MROH2A: variants seen among roughly 807,000 people sequenced by gnomAD.
The protein encoded by MROH2A is maestro heat like repeat family member 2A, also known as maestro heat-like repeat-containing protein family member 2A.
A neutral mutation model predicts 200.4 loss-of-function variants in MROH2A; 174 were observed. That is an observed-to-expected ratio of 0.87 (90% CI 0.77 to 0.98). The LOEUF (loss-of-function observed/expected upper bound fraction) is 0.98. MROH2A is among the 50% of genes least tolerant of loss of function. MROH2A has a pLI of 0.00. For synonymous variants in MROH2A, 829 were observed against 840.4 expected (o/e 0.99, Z 0.23); for missense variants, 2,045 against 2,139.6 (o/e 0.96, Z 0.87).
chr2:233,819,764 C>A, intron 30 of MROH2A, 138 bp from the exon 31 acceptor site: 1 of 968,054 alleles, frequency 1.0e-6, no homozygotes, highest in Non-Finnish European at 1.5e-6. Flanking sequence ...AGAGGATGCA[C>A]TAGAGAGGGT....
At chr2:233,809,388 C>CAGGTAAGATGCCTGGA in intron 22 of MROH2A, 110 bp downstream of exon 22, 1 of 1,222,888 alleles carries the variant, frequency 8.2e-7, no homozygotes, top group African/African-American at 1.5e-5. Context: ...ATCCAGGCAT[C>CAGGTAAGATGCCTGGA]TTACCTGATG....
chr2:233,817,605 A>T (rs1246347121), intron 27 of MROH2A, among the ~76,000 whole-genome samples: 1 of 152,258 alleles, frequency 6.6e-6, no homozygotes, highest in Admixed American at 6.5e-5. Flanking sequence ...AGGTGCCATC[A>T]TCATCTCCAC....
intron 3 of MROH2A, among the ~76,000 whole-genome samples, chr2:233,780,637 A>G (rs909162702): frequency 6.6e-6 from 1 of 152,254 alleles, no homozygotes; most frequent in African/African-American, 2.4e-5. Context: ...TATAGAATAC[A>G]AAGTGATATT....
intron 21 of MROH2A, among the ~76,000 whole-genome samples, chr2:233,808,292 T>G (rs1260647987): frequency 6.6e-6 from 1 of 152,234 alleles, no homozygotes; most frequent in African/African-American, 2.4e-5. Flanking sequence ...CTCTAGCCAC[T>G]GTTGCAGGGT....
At chr2:233,799,646 TG>T in intron 12 of MROH2A, 133 bp from the exon 13 acceptor site, 1 of 1,106,798 alleles carries the variant, frequency 9.0e-7, no homozygotes. Flanking sequence ...GTGGACAGAG[TG>T]GGCAGTAATC....
At chr2:233,796,737 G>A (rs1258384622) in intron 11 of MROH2A, among the ~76,000 whole-genome samples, 3 of 152,160 alleles carry the variant, frequency 2.0e-5, no homozygotes, top group Admixed American at 2.0e-4. Context: ...CAAGGCACTA[G>A]CTCACACTCT....
chr2:233,814,190 C>T (rs1703359567), intron 25 of MROH2A, among the ~76,000 whole-genome samples: 1 of 152,172 alleles, frequency 6.6e-6, no homozygotes, highest in African/African-American at 2.4e-5. Context: ...TCATTTTGCC[C>T]TCCTTCTATT....
intron 34 of MROH2A, 41 bp from the exon 35 acceptor site, chr2:233,823,515 T>C (rs1576008627): frequency 5.2e-6 from 8 of 1,533,256 alleles, no homozygotes; most frequent in Non-Finnish European, 7.0e-6. Context: ...CAGGCAGGGG[T>C]GGGGCCGCCT....
In MROH2A at chr2:233,803,420, C is replaced by G. The variant is rs911157128; in HGVS notation, c.1709-28C>G. The G allele has an allele frequency of 7.7e-6, 12 of 1,550,284 alleles. No individual in the cohort carries two copies. The African/African-American group carries it at 1.6e-4, about 21-fold the overall frequency. ...TGTCCTGGTACAAGCCAGGAAGGCTCAGCTGGGGTTGCATTTCCTTCAATC... is the reference window on the plus strand; with the variant it reads ...TGTCCTGGTACAAGCCAGGAAGGCTGAGCTGGGGTTGCATTTCCTTCAATC... On this transcript the variant is annotated intron_variant, in intron 15 of 41. Transcript: ENST00000389758.
chr2:233,800,914 G>C (rs1303089745), intron 14 of MROH2A, among the ~76,000 whole-genome samples: 1 of 152,182 alleles, frequency 6.6e-6, no homozygotes, highest in Non-Finnish European at 1.5e-5. Context: ...CTGCAGGCTA[G>C]ATGATCCCTG....
intron 3 of MROH2A, among the ~76,000 whole-genome samples, chr2:233,782,790 C>A (rs1210728861): frequency 6.6e-6 from 1 of 152,064 alleles, no homozygotes; most frequent in Non-Finnish European, 1.5e-5. Context: ...TTATCTTGTT[C>A]CAGATTTTAG....
At chr2:233,819,804 C>A in intron 30 of MROH2A, 98 bp from the exon 31 acceptor site, 2 of 1,340,392 alleles carry the variant, frequency 1.5e-6, no homozygotes. Context: ...CATTGTCCAA[C>A]TGGGCCAGAG....
chr2:233,813,812 C>G lies in MROH2A; in HGVS notation c.2760+34C>G, dbSNP rs1418577665. On this transcript the variant is annotated intron_variant, in intron 25 of 41. Transcript: ENST00000389758. The stretch of plus-strand genomic sequence containing the variant: ...CTCTGGGATGCCTCATTTGCTGGGT[C>G]AGGACCTGGGAGTTAACATTAACAT... The G allele has an allele frequency of 3.1e-6, 4 of 1,273,420 alleles. No homozygotes were observed. The African/African-American group carries it at 5.9e-5, about 19-fold the overall frequency. The allele number at this position is 1,273,420 out of a possible 1,614,324, so 78.9% of individuals were successfully genotyped here.
intron 3 of MROH2A, among the ~76,000 whole-genome samples, chr2:233,787,995 T>A (rs866547425): frequency 8.7e-4 from 27 of 30,884 alleles, no homozygotes; most frequent in African/African-American, 3.4e-3. Flanking sequence ...TATACATATA[T>A]TATATATATA....
Position 233,800,233 on chromosome 2 carries a change from G to A in MROH2A, c.1478G>A (p.Arg493Lys), listed in dbSNP as rs188599854. 4.7e-4 allele frequency: 730 copies of A among 1,549,798 alleles called. 1 individual carries two copies. In the African/African-American group the frequency reaches 8.9e-3, roughly 19 times the overall value. ...LTNRREKFYQRDLEERMVHKV... is the reference protein window; with the variant it reads ...LTNRREKFYQKDLEERMVHKV... ...AATCGCCGGGAGAAGTTTTATCAGA[G>A]GGACTTGGAGGAGAGGATGGTCCAC... The change falls in exon 14 of 42, where the codon AGG (arginine) becomes AAG (lysine). Residue 493 changes from arginine (R) to lysine (K), a missense_variant. This residue lies in a region of MROH2A where 831 missense variants were observed against 800.0 expected (regional missense o/e 1.04). Transcript: ENST00000389758.
chr2:233,801,474 G>A (rs1433638579), intron 14 of MROH2A, among the ~76,000 whole-genome samples: 3 of 152,208 alleles, frequency 2.0e-5, no homozygotes, highest in Non-Finnish European at 2.9e-5. Context: ...GACATATATA[G>A]CCTGGTTTAT....
At position 233,829,613 on chromosome 2, in the gene MROH2A, G is replaced by A; in HGVS notation, c.4447-7G>A. 7.1e-7 allele frequency: 1 copy of A among 1,406,056 alleles called. No homozygotes were observed. The highest frequency in any genetic ancestry group is 1.8e-4 in the Middle Eastern group (1 of 5,418). The allele number at this position is 1,406,056 out of a possible 1,614,324, so 87.1% of individuals were successfully genotyped here. On this transcript the variant is annotated splice_polypyrimidine_tract_variant and splice_region_variant and intron_variant, in intron 37 of 41. Transcript: ENST00000389758. ...TGCATGTCAGCCTGTGTCCATCCTG[G>A]CCACAGGAGAGCGAGCTGCTGCGTC...
At chr2:233,783,230 T>C (rs146567512) in intron 3 of MROH2A, among the ~76,000 whole-genome samples, 2 of 152,302 alleles carry the variant, frequency 1.3e-5, no homozygotes, top group African/African-American at 4.8e-5. Flanking sequence ...GCTGGCCTTG[T>C]AGTATGAGTT....
At chr2:233,801,059 C>A (rs75945530) in intron 14 of MROH2A, among the ~76,000 whole-genome samples, 3,011 of 152,176 alleles carry the variant, frequency 0.02, 93 homozygotes, top group African/African-American at 0.069. Flanking sequence ...TTTAATTATC[C>A]CAGCAACTAC....
Sources: gnomAD v4.1 joint callset for allele counts (sites outside exome capture counted in the v4.1 genomes callset) on GRCh38, gnomAD v4.1.1 for gene constraint, gnomAD v4.1.1 regional missense constraint, MANE v1.5 for transcripts, NCBI Gene and HGNC (gene_info 2026-07-23, HGNC 2026-07-21) for gene names.